CTNNA2: variants seen among roughly 807,000 people sequenced by gnomAD.
The protein encoded by CTNNA2 is catenin alpha-2.
Under a neutral mutation model 101.0 loss-of-function variants are expected in CTNNA2, and 42 were observed. The observed-to-expected ratio is 0.42, with a 90% CI of 0.32 to 0.54. The LOEUF (loss-of-function observed/expected upper bound fraction) is 0.54, where lower values mean the gene tolerates loss of function less well. Ranked by LOEUF, CTNNA2 falls within the 20% of genes least tolerant of loss-of-function variation. CTNNA2 has a pLI of 0.14. For missense variants in CTNNA2, 871 were observed against 1,223.1 expected (o/e 0.71, Z 4.29); for synonymous variants, 450 against 456.4 (o/e 0.99, Z 0.18).
intron 7 of CTNNA2, among the ~76,000 whole-genome samples, chr2:80,043,332 G>A (rs960571511): frequency 6.6e-6 from 1 of 151,178 alleles, no homozygotes; most frequent in African/African-American, 2.4e-5. Flanking sequence ...TGAGTAGCTG[G>A]GACTACAGGC....
chr2:79,890,562 C>T (rs535773623), intron 6 of CTNNA2, among the ~76,000 whole-genome samples: 1 of 151,964 alleles, frequency 6.6e-6, no homozygotes, highest in Non-Finnish European at 1.5e-5. Flanking sequence ...TCATCTACAA[C>T]CTTAATCATG....
chr2:79,636,425 C>T (rs867930699), intron 1 of CTNNA2, among the ~76,000 whole-genome samples: 4 of 151,826 alleles, frequency 2.6e-5, no homozygotes, highest in African/African-American at 9.7e-5. Flanking sequence ...AAAGCAGAAC[C>T]ATGAAGGGCA....
intron 6 of CTNNA2, among the ~76,000 whole-genome samples, chr2:79,903,437 G>A (rs1685207482): frequency 6.6e-6 from 1 of 151,990 alleles, no homozygotes; most frequent in South Asian, 2.1e-4. Context: ...TAAGATCTCT[G>A]ATGATTCATC....
chr2:80,481,688 A>G (rs1686160405), intron 9 of CTNNA2, among the ~76,000 whole-genome samples: 1 of 152,166 alleles, frequency 6.6e-6, no homozygotes, highest in Non-Finnish European at 1.5e-5. Flanking sequence ...TCTTTCAGAT[A>G]GAAACAAAGC....
intron 7 of CTNNA2, among the ~76,000 whole-genome samples, chr2:80,037,377 A>C (rs1695734307): frequency 6.6e-6 from 1 of 151,906 alleles, no homozygotes; most frequent in African/African-American, 2.4e-5. Flanking sequence ...TCACTACTGC[A>C]AAAAAAATGA....
chr2:79,422,248 A>G (rs1278337324), intron 4 of CTNNA2, among the ~76,000 whole-genome samples: 1 of 151,700 alleles, frequency 6.6e-6, no homozygotes, highest in Non-Finnish European at 1.5e-5. Context: ...TTTTTTTTCA[A>G]CTTAAATTCT....
At chr2:80,068,149 G>A (rs1303150203) in intron 7 of CTNNA2, among the ~76,000 whole-genome samples, 1 of 152,186 alleles carries the variant, frequency 6.6e-6, no homozygotes, top group Non-Finnish European at 1.5e-5. Context: ...GCTGGCAGAT[G>A]GAAGGAGAGA....
intron 2 of CTNNA2, among the ~76,000 whole-genome samples, chr2:79,713,855 G>A (rs966815101): frequency 6.6e-5 from 10 of 152,244 alleles, no homozygotes; most frequent in African/African-American, 2.2e-4. Flanking sequence ...TTACGCCCAA[G>A]GTGAAATGAA....
At chr2:80,075,586 A>T (rs1473494759) in intron 7 of CTNNA2, among the ~76,000 whole-genome samples, 2 of 91,940 alleles carry the variant, frequency 2.2e-5, no homozygotes, top group East Asian at 4.4e-4. Flanking sequence ...ATATTTATAC[A>T]TGTATAAATA....
chr2:80,482,503 A>G (rs889385145), intron 9 of CTNNA2, among the ~76,000 whole-genome samples: 4 of 152,150 alleles, frequency 2.6e-5, no homozygotes, highest in Admixed American at 1.3e-4. Context: ...AAGCAACTAT[A>G]GACAATAGGT....
At chr2:79,963,149 C>G (rs560388251) in intron 7 of CTNNA2, among the ~76,000 whole-genome samples, 76 of 149,134 alleles carry the variant, frequency 5.1e-4, no homozygotes, top group African/African-American at 1.7e-3. Context: ...AGATTGTGTT[C>G]TAAATGAATA....
intron 18 of CTNNA2, among the ~76,000 whole-genome samples, chr2:80,641,034 T>A (rs1673417750): frequency 6.6e-6 from 1 of 152,202 alleles, no homozygotes; most frequent in Non-Finnish European, 1.5e-5. Flanking sequence ...AAGGCTAAAG[T>A]GGACTTTACA....
chr2:80,619,306 G>A, intron 18 of CTNNA2, 78 bp downstream of exon 18: 2 of 1,338,262 alleles, frequency 1.5e-6, no homozygotes, highest in African/African-American at 3.0e-5. Flanking sequence ...TGGATTTTAG[G>A]GAAATAAAAA....
intron 7 of CTNNA2, among the ~76,000 whole-genome samples, chr2:80,017,871 T>A (rs1694266664): frequency 6.6e-6 from 1 of 151,698 alleles, no homozygotes; most frequent in Non-Finnish European, 1.5e-5. Context: ...TAGGAGATCT[T>A]CCACAAGTCA....
chr2:79,790,078 G>A (rs1470316631), intron 3 of CTNNA2, among the ~76,000 whole-genome samples: 1 of 152,162 alleles, frequency 6.6e-6, no homozygotes, highest in Non-Finnish European at 1.5e-5. Context: ...TAGAGCAAAT[G>A]AGAATCACAA....
At chr2:79,328,325 A>G (rs1224679139) in intron 3 of CTNNA2, among the ~76,000 whole-genome samples, 1 of 152,210 alleles carries the variant, frequency 6.6e-6, no homozygotes, top group African/African-American at 2.4e-5. Flanking sequence ...GTGGAAGAGC[A>G]TACAGAAGCA....
intron 7 of CTNNA2, among the ~76,000 whole-genome samples, chr2:80,096,117 T>C (rs796436960): frequency 3.9e-5 from 6 of 152,048 alleles, no homozygotes; most frequent in African/African-American, 1.4e-4. Context: ...TTTAGATCTT[T>C]CCTGCTTTCT....
intron 7 of CTNNA2, among the ~76,000 whole-genome samples, chr2:80,265,747 C>T (rs1672957737): frequency 6.6e-6 from 1 of 152,180 alleles, no homozygotes; most frequent in Admixed American, 6.5e-5. Context: ...ACCTTGGTTA[C>T]CTTCCTTTTG....
At chr2:79,214,660 G>GT (rs1383119179) in intron 2 of CTNNA2, among the ~76,000 whole-genome samples, 14 of 152,132 alleles carry the variant, frequency 9.2e-5, no homozygotes, top group Admixed American at 4.6e-4. Flanking sequence ...ATGCTTGTGG[G>GT]TAAGGTGGGG....
Sources: gnomAD v4.1 joint callset for allele counts (sites outside exome capture counted in the v4.1 genomes callset) on GRCh38, gnomAD v4.1.1 for gene constraint, MANE v1.5 for transcripts, NCBI Gene and HGNC (gene_info 2026-07-23, HGNC 2026-07-21) for gene names.